The following FAM135A variants were observed in gnomAD, a reference collection of about 807,000 sequenced individuals.
FAM135A encodes protein FAM135A.
FAM135A carries 79 observed loss-of-function variants against 146.8 expected under a neutral mutation model. The observed-to-expected ratio is 0.54, with a 90% CI of 0.45 to 0.65. FAM135A has a LOEUF of 0.65. FAM135A is among the 30% of genes least tolerant of loss of function. FAM135A has a pLI of 0.00. For missense variants in FAM135A, 1,623 were observed against 1,758.2 expected (o/e 0.92, Z 1.38); for synonymous variants, 562 against 603.6 (o/e 0.93, Z 1.01).
At chr6:70,496,333 C>T (rs1019796209) in intron 11 of FAM135A, among the ~76,000 whole-genome samples, 37 of 152,220 alleles carry the variant, frequency 2.4e-4, no homozygotes, top group African/African-American at 6.0e-4. Flanking sequence ...TCATATCCTT[C>T]GTCCACTTTT....
At chr6:70,470,505 C>T (rs183305614) in intron 5 of FAM135A, among the ~76,000 whole-genome samples, 5 of 152,200 alleles carry the variant, frequency 3.3e-5, no homozygotes, top group Admixed American at 2.0e-4. Flanking sequence ...TACAGGTGGC[C>T]GCCACCACAC....
rs1780334742 is a variant in FAM135A, at chr6:70,465,714, C to A, written c.158-9696C>A. ...TTCTATTTTTAATTTTTTGAGGAAC[C>A]CCCATAGTATTTTGCACAGCAGCTA... On this transcript the variant is annotated intron_variant, in intron 5 of 21. Transcript: ENST00000418814. Among the ~76,000 whole-genome samples, 4 of 152,052 alleles carry A rather than the reference C, an allele frequency of 2.6e-5. No homozygotes were observed. The South Asian group carries it at 8.3e-4, about 32-fold the overall frequency.
chr6:70,478,312 C>T (rs935373639), intron 8 of FAM135A, among the ~76,000 whole-genome samples: 1 of 152,214 alleles, frequency 6.6e-6, no homozygotes, highest in South Asian at 2.1e-4. Context: ...CAACATCATC[C>T]TTGTAGTATG....
At chr6:70,521,930 T>G (rs564388454) in intron 12 of FAM135A, among the ~76,000 whole-genome samples, 3 of 152,338 alleles carry the variant, frequency 2.0e-5, no homozygotes, top group South Asian at 2.1e-4. Context: ...GTTTTGTTTT[T>G]TTGAGACAGG....
chr6:70,512,164 A>C (rs1316802603), intron 12 of FAM135A, among the ~76,000 whole-genome samples: 1 of 151,826 alleles, frequency 6.6e-6, no homozygotes, highest in Non-Finnish European at 1.5e-5. Context: ...TAGAAATAGA[A>C]TTTTCATTTA....
intron 20 of FAM135A, among the ~76,000 whole-genome samples, chr6:70,547,766 TATCA>T (rs1225573843): frequency 1.3e-5 from 2 of 152,228 alleles, no homozygotes; most frequent in Non-Finnish European, 2.9e-5. Context: ...GGTGTTCATA[TATCA>T]ATCATGTTAT....
At position 70,525,263 on chromosome 6, in the gene FAM135A, G is replaced by A. The variant is rs1163719617; in HGVS notation, c.2179G>A (p.Glu727Lys). Residue 727 changes from glutamate to lysine, a missense_variant, in exon 15 of 22, where the codon GAA (glutamate) becomes AAA (lysine). Physicochemically the swap from Glu to Lys is moderately conservative, Grantham distance 56. Transcript: ENST00000418814. The part of the protein sequence containing the change: ...LQEAKCLSIG[E>K]SLTKLRSNLP... Reference sequence around the variant, plus strand: ...AGAAGCAAAGTGTCTTTCTATTGGAGAATCATTAACTAAATTACGAAGTAA... The same window carrying A: ...AGAAGCAAAGTGTCTTTCTATTGGAAAATCATTAACTAAATTACGAAGTAA... 2.5e-6 allele frequency: 4 copies of A among 1,599,860 alleles called. No individual in the cohort carries two copies. The highest frequency in any genetic ancestry group is 1.7e-6 in the Non-Finnish European group (2 of 1,174,710).
intron 4 of FAM135A, among the ~76,000 whole-genome samples, chr6:70,443,344 T>C (rs1774988515): frequency 6.6e-6 from 1 of 152,230 alleles, no homozygotes; most frequent in Non-Finnish European, 1.5e-5. Context: ...GTGCAATACA[T>C]TACTTTTTCT....
intron 4 of FAM135A, among the ~76,000 whole-genome samples, chr6:70,428,915 A>G (rs533538261): frequency 6.6e-6 from 1 of 152,284 alleles, no homozygotes; most frequent in East Asian, 1.9e-4. Flanking sequence ...TCTTTTCACT[A>G]TTTCACGAAA....
chr6:70,491,107 A>G (rs952091735), intron 11 of FAM135A, 24 bp downstream of exon 11: 1 of 1,569,546 alleles, frequency 6.4e-7, no homozygotes, highest in Non-Finnish European at 8.7e-7. Context: ...TTAAATTCAC[A>G]TCATCAAGTT....
intron 2 of FAM135A, among the ~76,000 whole-genome samples, chr6:70,419,263 A>G (rs1184980208): frequency 6.6e-6 from 1 of 152,080 alleles, no homozygotes; most frequent in Non-Finnish European, 1.5e-5. Flanking sequence ...TACTAAAAAT[A>G]CAAAAATTAG....
intron 4 of FAM135A, among the ~76,000 whole-genome samples, chr6:70,447,475 C>T (rs1263366268): frequency 6.6e-6 from 1 of 152,216 alleles, no homozygotes; most frequent in East Asian, 1.9e-4. Flanking sequence ...GTCGTCCCCG[C>T]TGGCAAGGGT....
chr6:70,528,837 G>A (rs1795238662), intron 16 of FAM135A, among the ~76,000 whole-genome samples: 1 of 143,574 alleles, frequency 7.0e-6, no homozygotes, highest in Non-Finnish European at 1.5e-5. Flanking sequence ...CCCTCCCCTA[G>A]TCCCCCACCC....
Position 70,524,400 on chromosome 6 carries a change from T to C in FAM135A, c.1316T>C (p.Met439Thr). ...CTTCAGAGATCAGAGTCCAGTAAAA[T>C]GGATAAATATGAGACTGAAGAAAGC... ...QNLQRSESSK[M>T]DKYETEESSV... The change falls in exon 15 of 22, where the codon ATG becomes ACG. Residue 439 changes from methionine (M) to threonine (T), a missense_variant. Physicochemically the swap from Met to Thr is moderately conservative, Grantham distance 81 (BLOSUM62 -1). This residue lies in a region of FAM135A where 1,061 missense variants were observed against 1,113.8 expected (regional missense o/e 0.95). Coordinates refer to ENST00000418814, the MANE Select transcript of FAM135A (RefSeq NM_001162529.3). 1 of 1,519,926 alleles carries C rather than the reference T, an allele frequency of 6.6e-7. No individual in the cohort carries two copies. The highest frequency in any genetic ancestry group is 8.8e-7 in the Non-Finnish European group (1 of 1,138,820). The allele number at this position is 1,519,926 out of a possible 1,614,324, so 94.2% of individuals were successfully genotyped here. A position where few individuals can be genotyped will look rare whatever the true frequency, so the allele number is the denominator to read the frequency against.
chr6:70,528,536 G>C, intron 16 of FAM135A, 84 bp downstream of exon 16: 1 of 1,256,756 alleles, frequency 8.0e-7, no homozygotes. Context: ...TTTAGTCTTT[G>C]AACTAAAAAA....
intron 11 of FAM135A, among the ~76,000 whole-genome samples, chr6:70,496,010 G>A (rs561937636): frequency 4.8e-4 from 73 of 152,240 alleles, no homozygotes; most frequent in African/African-American, 1.6e-3. Context: ...GTGTATATGT[G>A]CCACATTTTC....
intron 10 of FAM135A, 46 bp downstream of exon 10, chr6:70,482,200 C>CT (rs1783849527): frequency 6.3e-7 from 1 of 1,591,140 alleles, no homozygotes; most frequent in Non-Finnish European, 8.6e-7. Flanking sequence ...AAATCATTCT[C>CT]TTCAGTCTTA....
At chr6:70,479,509 G>A (rs1783295188) in intron 8 of FAM135A, among the ~76,000 whole-genome samples, 1 of 152,134 alleles carries the variant, frequency 6.6e-6, no homozygotes, top group African/African-American at 2.4e-5. Context: ...GAACTTCGCT[G>A]TAAAAGCAGC....
At chr6:70,540,402 G>A (rs1409025068) in intron 20 of FAM135A, among the ~76,000 whole-genome samples, 1 of 140,514 alleles carries the variant, frequency 7.1e-6, no homozygotes, top group Non-Finnish European at 1.5e-5. Context: ...TCGGCTCGCT[G>A]CAAGCTCCGC....
Sources: gnomAD v4.1 joint callset for allele counts (sites outside exome capture counted in the v4.1 genomes callset) on GRCh38, gnomAD v4.1.1 for gene constraint, gnomAD v4.1.1 regional missense constraint, MANE v1.5 for transcripts, NCBI Gene and HGNC (gene_info 2026-07-23, HGNC 2026-07-21) for gene names.